TUT4: variants seen among roughly 807,000 people sequenced by gnomAD.
TUT4 encodes the protein terminal uridylyltransferase 4.
TUT4 carries 36 observed loss-of-function variants against 192.2 expected under a neutral mutation model. That is an observed-to-expected ratio of 0.19 (90% CI 0.14 to 0.25). The LOEUF is 0.25. Among genes scored for constraint, TUT4 ranks in the 10% least tolerant of loss-of-function variants. The probability of loss-of-function intolerance (pLI) is 1.00; values close to 1 mark genes in which losing one functional copy is unlikely to be tolerated. For missense variants in TUT4, 1,493 were observed against 1,957.2 expected, an observed-to-expected ratio of 0.76 and a Z score of 4.47; for synonymous variants, 618 against 666.0, an observed-to-expected ratio of 0.93 and a Z score of 1.11.
chr1:52,436,876 G>A lies in TUT4; in HGVS notation c.4041C>T (p.His1347=), dbSNP rs574685601. 47 of 1,613,822 alleles carry A rather than the reference G, an allele frequency of 2.9e-5. 2 individuals are homozygous for A. The South Asian group carries it at 3.6e-4, about 12-fold the overall frequency. ...SRDVLDPRDL[H]DTRDFRDPRD... ...TCGGGTCTCTAAAGTCTCGAGTATC[G>A]TGGAGGTCTCGGGGGTCAAGAACAT... Residue 1347 remains histidine (H), a synonymous_variant, in exon 26 of 30, where the codon CAC becomes CAT. Coordinates refer to ENST00000257177, the MANE Select transcript of TUT4 (RefSeq NM_001009881.3).
At chr1:52,503,738 T>A (rs1324675588) in intron 4 of TUT4, among the ~76,000 whole-genome samples, 3 of 152,194 alleles carry the variant, frequency 2.0e-5, no homozygotes, top group Non-Finnish European at 4.4e-5. Flanking sequence ...ATTATTTTTA[T>A]CTATATTATC....
chr1:52,543,187 T>C (rs76677971), intron 1 of TUT4, among the ~76,000 whole-genome samples: 13,240 of 152,238 alleles, frequency 0.087, 734 homozygotes, highest in East Asian at 0.2. Flanking sequence ...TGATTTTATA[T>C]GTAGAAAACC....
chr1:52,449,688 T>C (rs917268243), intron 20 of TUT4, among the ~76,000 whole-genome samples: 22 of 152,222 alleles, frequency 1.4e-4, no homozygotes, highest in African/African-American at 4.6e-4. Flanking sequence ...AGTATAGTCA[T>C]ACTGTCACGC....
intron 11 of TUT4, among the ~76,000 whole-genome samples, chr1:52,480,853 G>A (rs745351105): frequency 1.3e-5 from 2 of 152,246 alleles, no homozygotes; most frequent in East Asian, 1.9e-4. Flanking sequence ...CAATAGTCAA[G>A]TATATCAGGA....
At chr1:52,443,342 A>G (rs1656289390) in intron 24 of TUT4, among the ~76,000 whole-genome samples, 1 of 151,682 alleles carries the variant, frequency 6.6e-6, no homozygotes, top group South Asian at 2.1e-4. Flanking sequence ...TAATCCCAGC[A>G]CTTTGGGAGG....
chr1:52,548,156 A>G (rs114509378), intron 1 of TUT4, among the ~76,000 whole-genome samples: 3 of 152,284 alleles, frequency 2.0e-5, no homozygotes, highest in Non-Finnish European at 2.9e-5. Context: ...AGTTTGACTC[A>G]GAGACACCCC....
chr1:52,460,394 A>G (rs1662227201), intron 19 of TUT4, among the ~76,000 whole-genome samples: 1 of 152,074 alleles, frequency 6.6e-6, no homozygotes, highest in South Asian at 2.1e-4. Flanking sequence ...AGGCAGGAGA[A>G]TCGCTTAAAC....
At chr1:52,427,330 C>T (rs560988915) in intron 28 of TUT4, among the ~76,000 whole-genome samples, 13 of 152,050 alleles carry the variant, frequency 8.5e-5, no homozygotes, top group East Asian at 3.9e-4. Flanking sequence ...GCAGAGGTAA[C>T]GGAGAGGACA....
At chr1:52,542,765 A>T (rs143570036) in intron 1 of TUT4, among the ~76,000 whole-genome samples, 14,961 of 146,320 alleles carry the variant, frequency 0.1, 819 homozygotes, top group African/African-American at 0.15. Flanking sequence ...TTATTTATTT[A>T]TTTATTTTTT....
chr1:52,431,581 A>AAAT, intron 27 of TUT4, 121 bp from the exon 28 acceptor site: 1 of 788,226 alleles, frequency 1.3e-6, no homozygotes, highest in Non-Finnish European at 1.8e-6. Flanking sequence ...ATATCATAAC[A>AAAT]AATAATTAGT....
intron 1 of TUT4, among the ~76,000 whole-genome samples, chr1:52,550,558 A>G (rs1334035017): frequency 6.8e-6 from 1 of 146,164 alleles, no homozygotes; most frequent in Non-Finnish European, 1.5e-5. Flanking sequence ...GCTGGAGTAC[A>G]GTGGCGCAAC....
chr1:52,511,761 T>C (rs1020168720), intron 3 of TUT4, among the ~76,000 whole-genome samples: 1 of 152,192 alleles, frequency 6.6e-6, no homozygotes, highest in Non-Finnish European at 1.5e-5. Flanking sequence ...ACAAAATCCC[T>C]TGTGAAGACT....
intron 27 of TUT4, chr1:52,432,112 A>G (rs901106075): frequency 3.9e-5 from 6 of 152,210 alleles, no homozygotes; most frequent in Non-Finnish European, 7.3e-5. Context: ...AATCTGTTGG[A>G]AAAAATTCAT....
chr1:52,461,074 T>C lies in TUT4; in HGVS notation c.3321+60A>G, dbSNP rs1436601697. ...ACAAAATTTTTCACAAATCTGACAT[T>C]AGTTATGTTTCATTTTAATTATCAT... On this transcript the variant is annotated intron_variant, in intron 19 of 29. Coordinates refer to ENST00000257177, the MANE Select transcript of TUT4 (RefSeq NM_001009881.3). 18 of 1,385,398 alleles carry C rather than the reference T, an allele frequency of 1.3e-5. No homozygotes were observed. The East Asian group carries it at 2.3e-4, about 18-fold the overall frequency. 85.8% of individuals were successfully genotyped at this position (1,385,398 alleles called of 1,614,324 possible).
chr1:52,519,134 A>G (rs1354835469), intron 2 of TUT4, among the ~76,000 whole-genome samples: 1 of 152,218 alleles, frequency 6.6e-6, no homozygotes, highest in Non-Finnish European at 1.5e-5. Flanking sequence ...ATATCCATCA[A>G]CTGATGAATG....
chr1:52,441,444 A>ATCTTTTTTTTTTTTTTTT, intron 24 of TUT4, among the ~76,000 whole-genome samples: 1 of 119,984 alleles, frequency 8.3e-6, no homozygotes, highest in African/African-American at 3.7e-5. Flanking sequence ...TCTCGGCTAA[A>ATCTTTTTTTTTTTTTTTT]TTTTTTTTTT....
At chr1:52,510,191 A>T (rs1435123426) in intron 3 of TUT4, among the ~76,000 whole-genome samples, 2 of 152,028 alleles carry the variant, frequency 1.3e-5, no homozygotes, top group Non-Finnish European at 2.9e-5. Flanking sequence ...GCAGGCTTGT[A>T]ATCCCAGCTA....
chr1:52,468,066 C>G (rs984423519), intron 15 of TUT4, 115 bp downstream of exon 15: 1 of 743,260 alleles, frequency 1.3e-6, no homozygotes, highest in African/African-American at 1.9e-5. Context: ...ACTGTATTCC[C>G]AGCAACTAGA....
intron 3 of TUT4, among the ~76,000 whole-genome samples, chr1:52,509,937 T>G (rs915474204): frequency 2.0e-5 from 3 of 152,190 alleles, no homozygotes; most frequent in African/African-American, 7.2e-5. Flanking sequence ...CATACTAACT[T>G]TAATACGATA....
Sources: gnomAD v4.1 joint callset for allele counts (sites outside exome capture counted in the v4.1 genomes callset) on GRCh38, gnomAD v4.1.1 for gene constraint, MANE v1.5 for transcripts, NCBI Gene and HGNC (gene_info 2026-07-23, HGNC 2026-07-21) for gene names.